Variants in XPO6 observed in about 807,000 individuals in gnomAD.
The protein encoded by XPO6 is exportin-6.
Under a neutral mutation model 130.0 loss-of-function variants are expected in XPO6, and 3 were observed. The ratio of observed to expected loss-of-function variants is 0.02; its 90% CI spans 0.01 to 0.06. The LOEUF is 0.06. Among genes scored for constraint, XPO6 ranks in the 10% least tolerant of loss-of-function variants. The pLI is 1.00. For synonymous variants in XPO6, 524 were observed against 548.9 expected, an observed-to-expected ratio of 0.95 and a Z score of 0.63; for missense variants, 970 against 1,393.0, an observed-to-expected ratio of 0.70 and a Z score of 4.83.
At chr16:28,142,766 T>G (rs1321221944) in intron 9 of XPO6, among the ~76,000 whole-genome samples, 1 of 152,200 alleles carries the variant, frequency 6.6e-6, no homozygotes, top group Non-Finnish European at 1.5e-5. Context: ...AGACAGAGTC[T>G]TGCTATGTTG....
chr16:28,121,718 T>A lies in XPO6; in HGVS notation c.1811A>T (p.Asn604Ile). 6.2e-7 allele frequency: 1 copy of A among 1,614,134 alleles called. No homozygotes were observed. The highest frequency in any genetic ancestry group is 8.5e-7 in the Non-Finnish European group (1 of 1,179,970). Residue 604 changes from asparagine (N) to isoleucine (I), a missense_variant, in exon 14 of 24, where the codon AAC becomes ATC. Physicochemically the swap from Asn to Ile is moderately radical, Grantham distance 149 (BLOSUM62 -3). Transcript: ENST00000304658. ...TACTGATGGCACAGCAGTTTCAATG[T>A]TGTACAATTTTATCTGAGATCCGTA... ...TLYGSQIKLY[N>I]IETAVPSVLK... is the part of the protein sequence containing the mutation.
At chr16:28,208,686 T>G (rs906795091) in intron 1 of XPO6, among the ~76,000 whole-genome samples, 1 of 152,204 alleles carries the variant, frequency 6.6e-6, no homozygotes, top group Non-Finnish European at 1.5e-5. Flanking sequence ...CCCATGATGC[T>G]CTACTGACTG....
intron 13 of XPO6, among the ~76,000 whole-genome samples, chr16:28,123,154 G>A (rs904387885): frequency 1.3e-5 from 2 of 152,104 alleles, no homozygotes; most frequent in Admixed American, 6.5e-5. Context: ...AACCAGGCCA[G>A]AGGATTGTAG....
rs1323634654 is a variant in XPO6 at position 28,153,266 on chromosome 16, AT to A, written c.1098-482del. 5.1e-6 allele frequency: 5 copies of A among 988,036 alleles called. No homozygotes were observed. In the East Asian group the frequency reaches 5.6e-4, roughly 111 times the overall value. The allele number at this position is 988,036 out of a possible 1,614,324, so 61.2% of individuals were successfully genotyped here. On this transcript the variant is annotated intron_variant, in intron 7 of 23. Transcript: ENST00000304658. ...TACTCAGGCTTGCAACTTAATGGCCATTTTTCCCCCTTTGGTTCCTGGTGCT... is the reference window on the plus strand; with the variant it reads ...TACTCAGGCTTGCAACTTAATGGCCATTTTCCCCCTTTGGTTCCTGGTGCT...
At chr16:28,135,746 G>A (rs891105416) in intron 9 of XPO6, among the ~76,000 whole-genome samples, 3 of 152,094 alleles carry the variant, frequency 2.0e-5, no homozygotes, top group African/African-American at 4.8e-5. Flanking sequence ...TCATTGGGTC[G>A]TGGCTTTAAA....
At chr16:28,152,559 A>T (rs2043114214) in intron 8 of XPO6, 100 bp downstream of exon 8, 15 of 1,407,332 alleles carry the variant, frequency 1.1e-5, no homozygotes, top group Non-Finnish European at 1.4e-5. Flanking sequence ...CATTATATTA[A>T]TGTTTGGAAA....
Position 28,132,289 on chromosome 16 carries a change from G to T in XPO6, c.1606+45C>A. On this transcript the variant is annotated intron_variant, in intron 12 of 23. Transcript: ENST00000304658. This position sits in a 1 kb window ranked among gnomAD's most constrained non-coding sequence, Gnocchi z 4.0. ...GCAGTAATGAAATATCAGTCCGATG[G>T]TTTTTTGAATGTTTGGTTAAATTAG... The T allele has an allele frequency of 6.9e-7, 1 of 1,439,716 alleles. No individual in the cohort carries two copies. The highest frequency in any genetic ancestry group is 1.4e-5 in the African/African-American group (1 of 70,602). The allele number at this position is 1,439,716 out of a possible 1,614,324, so 89.2% of individuals were successfully genotyped here.
At chr16:28,150,348 T>C (rs2043064150) in intron 8 of XPO6, among the ~76,000 whole-genome samples, 1 of 151,758 alleles carries the variant, frequency 6.6e-6, no homozygotes. Context: ...TCCCAATATA[T>C]AAATATAATA....
At chr16:28,102,009 T>C in intron 21 of XPO6, 64 bp from the exon 22 acceptor site, 2 of 1,415,634 alleles carry the variant, frequency 1.4e-6, no homozygotes, top group East Asian at 2.3e-5. Flanking sequence ...ATCTACCCCA[T>C]GTCAGAAGAA....
At chr16:28,152,245 T>C (rs547119777) in intron 8 of XPO6, among the ~76,000 whole-genome samples, 3 of 152,336 alleles carry the variant, frequency 2.0e-5, no homozygotes, top group Middle Eastern at 3.4e-3. Flanking sequence ...CTACCAAAAC[T>C]TAACTCTTGA....
intron 20 of XPO6, 108 bp from the exon 21 acceptor site, chr16:28,104,815 T>C (rs917701308): frequency 1.6e-6 from 2 of 1,258,998 alleles, no homozygotes; most frequent in Non-Finnish European, 2.2e-6. Flanking sequence ...AAGCCGAGTG[T>C]CAACACTCCA....
intron 17 of XPO6, chr16:28,111,148 C>T (rs2086910988): frequency 6.6e-6 from 1 of 152,136 alleles, no homozygotes; most frequent in Non-Finnish European, 1.5e-5. Flanking sequence ...GTATTTATTA[C>T]TATTTCTGAC....
chr16:28,169,829 C>G lies in XPO6; in HGVS notation c.486G>C (p.Glu162Asp). 6.2e-7 allele frequency: 1 copy of G among 1,614,192 alleles called. No individual in the cohort carries two copies. The highest frequency in any genetic ancestry group is 8.5e-7 in the Non-Finnish European group (1 of 1,180,024). The change falls in exon 5 of 24, where the codon GAG becomes GAC. Residue 162 changes from glutamate (E) to aspartate (D), a missense_variant. Glu to Asp is a conservative substitution (Grantham distance 45). Transcript: ENST00000304658. ...TTSEELACPR[E>D]DLSVARKEEL... ...CCTCCTTCCGAGCCACACTGAGGTC[C>G]TCACGGGGACAAGCCAGCTCTTCTG...
At chr16:28,118,281 C>A (rs186953122) in intron 14 of XPO6, among the ~76,000 whole-genome samples, 8 of 152,256 alleles carry the variant, frequency 5.3e-5, no homozygotes, top group Admixed American at 4.6e-4. Flanking sequence ...TTCCTTTTCT[C>A]CTCATTAGTT....
intron 17 of XPO6, among the ~76,000 whole-genome samples, chr16:28,108,587 A>C (rs2086838829): frequency 6.6e-6 from 1 of 152,184 alleles, no homozygotes; most frequent in African/African-American, 2.4e-5. Flanking sequence ...CACCCTCTTA[A>C]GATGCAGAGT....
At position 28,101,131 on chromosome 16, in the gene XPO6, C is replaced by T; in HGVS notation, c.3276+327G>A. 1 of 417,050 alleles carries T rather than the reference C, an allele frequency of 2.4e-6. No individual in the cohort carries two copies. The highest frequency in any genetic ancestry group is 2.1e-5 in the South Asian group (1 of 48,220). The allele number at this position is 417,050 out of a possible 1,614,324, so 25.8% of individuals were successfully genotyped here. ...CACTCCAATGCTGGCCCCACCGGGGCTCATCACCCAGGAGGGAGAACGGCA... is the reference window on the plus strand; with the variant it reads ...CACTCCAATGCTGGCCCCACCGGGGTTCATCACCCAGGAGGGAGAACGGCA... On this transcript the variant is annotated intron_variant, in intron 23 of 23. Coordinates refer to ENST00000304658, the MANE Select transcript of XPO6 (RefSeq NM_015171.4). The surrounding 1 kb of genome is among the most constrained non-coding windows in gnomAD (Gnocchi z 5.4).
At chr16:28,183,656 A>AT (rs2043652149) in intron 1 of XPO6, among the ~76,000 whole-genome samples, 1 of 152,206 alleles carries the variant, frequency 6.6e-6, no homozygotes, top group Non-Finnish European at 1.5e-5. Context: ...TACATAAACC[A>AT]TAAGGAATTA....
At chr16:28,205,379 C>T (rs1003611627) in intron 1 of XPO6, among the ~76,000 whole-genome samples, 17 of 152,186 alleles carry the variant, frequency 1.1e-4, no homozygotes, top group African/African-American at 4.1e-4. Flanking sequence ...GAAACTTTCA[C>T]TTGGAAGGCC....
intron 8 of XPO6, among the ~76,000 whole-genome samples, chr16:28,151,342 C>G (rs2043084859): frequency 6.6e-6 from 1 of 152,190 alleles, no homozygotes; most frequent in African/African-American, 2.4e-5. Context: ...GCAGCCAAAT[C>G]AGCAGGGGAG....
Sources: allele counts gnomAD v4.1 joint callset (sites outside exome capture counted in the v4.1 genomes callset), GRCh38; gene constraint gnomAD v4.1.1; non-coding constraint Gnocchi (gnomAD v3.1); transcripts MANE v1.5; gene names NCBI Gene and HGNC (gene_info 2026-07-23, HGNC 2026-07-21).